PPARGC1A: variants seen among roughly 807,000 people sequenced by gnomAD.
PPARGC1A encodes the protein PPARG coactivator 1 alpha.
PPARGC1A carries 25 observed loss-of-function variants against 88.7 expected under a neutral mutation model. The ratio of observed to expected loss-of-function variants is 0.28; its 90% CI spans 0.21 to 0.39. PPARGC1A has a LOEUF of 0.39. PPARGC1A is among the 10% of genes least tolerant of loss of function. The pLI is 1.00. For missense variants in PPARGC1A, 880 were observed against 968.7 expected (o/e 0.91, Z 1.22); for synonymous variants, 363 against 355.6 (o/e 1.02, Z -0.24).
chr4:23,950,004 G>C, the PPARGC1A span, among the ~76,000 whole-genome samples: 1 of 152,106 alleles, frequency 6.6e-6, no homozygotes, highest in Non-Finnish European at 1.5e-5. Flanking sequence ...CATTTTAAAA[G>C]TGCTCTCCTC....
At chr4:24,259,189 G>A in the PPARGC1A span, among the ~76,000 whole-genome samples, 5 of 152,162 alleles carry the variant, frequency 3.3e-5, no homozygotes, top group African/African-American at 1.2e-4. Flanking sequence ...ACTAAAAGAT[G>A]GGTCTCCTTA....
At chr4:24,031,517 T>C in the PPARGC1A span, among the ~76,000 whole-genome samples, 1 of 152,210 alleles carries the variant, frequency 6.6e-6, no homozygotes, top group Non-Finnish European at 1.5e-5. Context: ...CATCAATACA[T>C]GGGCAATTGC....
At chr4:24,187,951 G>T in the PPARGC1A span, among the ~76,000 whole-genome samples, 1 of 152,200 alleles carries the variant, frequency 6.6e-6, no homozygotes, top group Non-Finnish European at 1.5e-5. Flanking sequence ...AATAAGGTTT[G>T]CAGGATGAGT....
chr4:23,954,369 A>G, the PPARGC1A span, among the ~76,000 whole-genome samples: 1 of 152,162 alleles, frequency 6.6e-6, no homozygotes, highest in East Asian at 1.9e-4. Flanking sequence ...AGCAACGGTC[A>G]TTTTAGAGGC....
chr4:23,821,657 T>C (rs1000101522), intron 7 of PPARGC1A, among the ~76,000 whole-genome samples: 1 of 152,114 alleles, frequency 6.6e-6, no homozygotes, highest in Non-Finnish European at 1.5e-5. Flanking sequence ...AAATATCTAA[T>C]ATTTATTGAG....
At chr4:24,248,115 T>C in the PPARGC1A span, among the ~76,000 whole-genome samples, 4 of 152,138 alleles carry the variant, frequency 2.6e-5, no homozygotes, top group Non-Finnish European at 5.9e-5. Context: ...CCTGTATTTC[T>C]TTCTCTTTTT....
At chr4:24,320,123 A>C in the PPARGC1A span, among the ~76,000 whole-genome samples, 1 of 152,178 alleles carries the variant, frequency 6.6e-6, no homozygotes, top group Non-Finnish European at 1.5e-5. Context: ...TATTTTGTAA[A>C]CTTAAATTTC....
At chr4:23,899,061 C>T (rs35160015) in intron 1 of PPARGC1A, among the ~76,000 whole-genome samples, 103 of 101,640 alleles carry the variant, frequency 1.0e-3, no homozygotes, top group Middle Eastern at 4.6e-3. Flanking sequence ...AGGCTGGTCT[C>T]GAACTCCAGA....
At chr4:24,406,473 T>C in the PPARGC1A span, among the ~76,000 whole-genome samples, 1 of 152,228 alleles carries the variant, frequency 6.6e-6, no homozygotes, top group Non-Finnish European at 1.5e-5. Context: ...CATATCTCTG[T>C]CTGTGTAAAG....
chr4:24,355,776 GA>G, the PPARGC1A span, among the ~76,000 whole-genome samples: 1 of 152,108 alleles, frequency 6.6e-6, no homozygotes, highest in Non-Finnish European at 1.5e-5. Flanking sequence ...GTGCGAGGGG[GA>G]GGAAGAACTG....
chr4:23,855,421 G>A (rs10002477), intron 2 of PPARGC1A, among the ~76,000 whole-genome samples: 97,223 of 152,022 alleles, frequency 0.64, 32,388 homozygotes, highest in African/African-American at 0.85. Context: ...TTGGCATTCA[G>A]AAAGCATTTG....
the PPARGC1A span, among the ~76,000 whole-genome samples, chr4:24,307,567 A>T: frequency 1.3e-5 from 2 of 152,182 alleles, no homozygotes; most frequent in African/African-American, 4.8e-5. Flanking sequence ...AAATAAGAGG[A>T]GGCAAGGAAG....
chr4:24,219,148 G>A, the PPARGC1A span, among the ~76,000 whole-genome samples: 1 of 152,058 alleles, frequency 6.6e-6, no homozygotes, highest in Non-Finnish European at 1.5e-5. Context: ...CAGGATAACT[G>A]GTATCCAGCC....
chr4:24,222,478 C>T, the PPARGC1A span, among the ~76,000 whole-genome samples: 451 of 152,256 alleles, frequency 3.0e-3, 2 homozygotes, highest in Non-Finnish European at 4.4e-3. Flanking sequence ...AAAGTGATTG[C>T]GATTTTGTCC....
At chr4:24,195,237 C>T in the PPARGC1A span, among the ~76,000 whole-genome samples, 2 of 152,096 alleles carry the variant, frequency 1.3e-5, no homozygotes, top group African/African-American at 2.4e-5. Context: ...GCTTTCTTAC[C>T]TGTAAAATTG....
chr4:24,391,723 G>A, the PPARGC1A span, among the ~76,000 whole-genome samples: 4 of 152,172 alleles, frequency 2.6e-5, no homozygotes, highest in Middle Eastern at 3.4e-3. Context: ...AATACAGATC[G>A]AGGCAGAAAA....
chr4:23,920,654 T>C, the PPARGC1A span, among the ~76,000 whole-genome samples: 1 of 152,226 alleles, frequency 6.6e-6, no homozygotes, highest in Admixed American at 6.5e-5. Context: ...CTGTCTTTTC[T>C]TCTCTCCACT....
chr4:23,954,712 C>A, the PPARGC1A span, among the ~76,000 whole-genome samples: 50 of 152,070 alleles, frequency 3.3e-4, no homozygotes, highest in East Asian at 9.5e-3. Flanking sequence ...TGGATTGTTT[C>A]ATATTCGGGG....
the PPARGC1A span, among the ~76,000 whole-genome samples, chr4:24,387,826 G>GAAAGAAAGAAAGAAAGAAAGAA: frequency 2.1e-4 from 11 of 53,100 alleles, no homozygotes; most frequent in East Asian, 5.4e-4. Flanking sequence ...GAAAGAAAGA[G>GAAAGAAAGAAAGAAAGAAAGAA]AGAAAGAGAG....
Sources: gnomAD v4.1 joint callset for allele counts (sites outside exome capture counted in the v4.1 genomes callset) on GRCh38, gnomAD v4.1.1 for gene constraint, MANE v1.5 for transcripts, NCBI Gene and HGNC (gene_info 2026-07-23, HGNC 2026-07-21) for gene names.